The following PCDHGB6 variants were observed in gnomAD, a reference collection of about 807,000 sequenced individuals.
PCDHGB6 encodes protocadherin gamma-B6.
A neutral mutation model predicts 59.1 loss-of-function variants in PCDHGB6; 51 were observed. That is an observed-to-expected ratio of 0.86 (90% CI 0.69 to 1.09). PCDHGB6 has a LOEUF of 1.09. Ranked by LOEUF, PCDHGB6 falls within the 50% of genes least tolerant of loss-of-function variation. The pLI is 0.00. For missense variants in PCDHGB6, 1,148 were observed against 1,205.1 expected, an observed-to-expected ratio of 0.95 and a Z score of 0.70; for synonymous variants, 466 against 495.1, an observed-to-expected ratio of 0.94 and a Z score of 0.78.
chr5:141,437,756 T>A (rs1208576922), intron 1 of PCDHGB6, among the ~76,000 whole-genome samples: 1 of 151,718 alleles, frequency 6.6e-6, no homozygotes, highest in Non-Finnish European at 1.5e-5. Flanking sequence ...TTTTTTTTTT[T>A]GAGACAGAGT....
rs76825883 is a variant in PCDHGB6, at chr5:141,433,317, C to T, written c.2418+22697C>T. The T allele has an allele frequency of 1.4e-3, 1,163 of 830,944 alleles. 6 individuals are homozygous for T. In the African/African-American group the frequency reaches 0.015, roughly 11 times the overall value. 51.5% of individuals were successfully genotyped at this position (830,944 alleles called of 1,614,324 possible). A position where few individuals can be genotyped will look rare whatever the true frequency, so the allele number is the denominator to read the frequency against. On this transcript the variant is annotated intron_variant, in intron 1 of 3. Transcript: ENST00000520790. ...CAAGCAATTATCCCACCTTTGCCTC[C>T]GGTGTAACAGGGACTACAGGTGCAA... is the stretch of plus-strand genomic sequence containing the variant.
chr5:141,417,828 A>G (rs1439385565), intron 1 of PCDHGB6: 1 of 1,521,792 alleles, frequency 6.6e-7, no homozygotes, highest in Non-Finnish European at 8.8e-7. Context: ...CCAACTGGAA[A>G]AGCGGGGACC....
chr5:141,440,959 G>A (rs1313315196), intron 1 of PCDHGB6: 1 of 152,216 alleles, frequency 6.6e-6, no homozygotes, highest in Non-Finnish European at 1.5e-5. Flanking sequence ...TCAAGGCAGA[G>A]ATCACATATG....
intron 1 of PCDHGB6, among the ~76,000 whole-genome samples, chr5:141,437,526 G>A (rs1199002765): frequency 1.3e-5 from 2 of 152,160 alleles, no homozygotes; most frequent in East Asian, 3.8e-4. Context: ...GATGACAAAT[G>A]AGCAAATTGT....
intron 1 of PCDHGB6, among the ~76,000 whole-genome samples, chr5:141,443,085 G>A (rs991288098): frequency 3.9e-5 from 6 of 151,916 alleles, no homozygotes; most frequent in Admixed American, 2.6e-4. Flanking sequence ...GAGTGTTCCA[G>A]TCTCCTTCTC....
In PCDHGB6 at chr5:141,476,501, A is replaced by G; in HGVS notation, c.2419-18306A>G. 1.2e-6 allele frequency: 2 copies of G among 1,614,026 alleles called. No homozygotes were observed. Among genetic ancestry groups the G allele is most frequent in the Non-Finnish European group, 1.7e-6 (2 of 1,180,006 alleles). On this transcript the variant is annotated intron_variant, in intron 1 of 3. Coordinates refer to ENST00000520790, the MANE Select transcript of PCDHGB6 (RefSeq NM_018926.3). The surrounding 1 kb of genome is among the most constrained non-coding windows in gnomAD (Gnocchi z 7.6). ...CGTGGAAGTGGTGATCCAGGACATCAACGACAACAATCCTGCTTTCCCTAC... is the reference window on the plus strand; with the variant it reads ...CGTGGAAGTGGTGATCCAGGACATCGACGACAACAATCCTGCTTTCCCTAC...
At chr5:141,448,216 G>A (rs766377717) in intron 1 of PCDHGB6, among the ~76,000 whole-genome samples, 41 of 152,046 alleles carry the variant, frequency 2.7e-4, no homozygotes, top group African/African-American at 1.7e-4. Context: ...GTGTGTATGC[G>A]AATGTATGTG....
chr5:141,446,468 A>G (rs2098503159), intron 1 of PCDHGB6, among the ~76,000 whole-genome samples: 1 of 149,982 alleles, frequency 6.7e-6, no homozygotes, highest in African/African-American at 2.5e-5. Flanking sequence ...GTGATTAGAC[A>G]TATGGTCATC....
Position 141,423,666 on chromosome 5 carries a change from AT to A in PCDHGB6, c.2418+13049del, listed in dbSNP as rs1184681047. 2.7e-6 allele frequency: 4 copies of A among 1,494,382 alleles called. No individual in the cohort carries two copies. The South Asian group carries it at 5.0e-5, about 19-fold the overall frequency. The allele number at this position is 1,494,382 out of a possible 1,614,324, so 92.6% of individuals were successfully genotyped here. A position where few individuals can be genotyped will look rare whatever the true frequency, so the allele number is the denominator to read the frequency against. ...GTGACCCGACAAGTAATCAGGTGAGATTTATTTCTCTGCCTCCTAATTGTTG... is the reference window on the plus strand; with the variant it reads ...GTGACCCGACAAGTAATCAGGTGAGATTATTTCTCTGCCTCCTAATTGTTG... On this transcript the variant is annotated intron_variant, in intron 1 of 3. Coordinates refer to ENST00000520790, the MANE Select transcript of PCDHGB6 (RefSeq NM_018926.3).
chr5:141,477,814 G>C lies in PCDHGB6; in HGVS notation c.2419-16993G>C, dbSNP rs780195618. The C allele has an allele frequency of 1.2e-6, 2 of 1,614,110 alleles. No homozygotes were observed. The highest frequency in any genetic ancestry group is 1.1e-5 in the South Asian group (1 of 91,074). On this transcript the variant is annotated intron_variant, in intron 1 of 3. Coordinates refer to ENST00000520790, the MANE Select transcript of PCDHGB6 (RefSeq NM_018926.3). The surrounding 1 kb of genome is among the most constrained non-coding windows in gnomAD (Gnocchi z 4.9). ...CTGATCGCAATGACAATGCCCCCCA[G>C]GTCCTATATCCTCGGCCAGGTGGGA... is the stretch of plus-strand genomic sequence containing the variant.
At position 141,511,036 on chromosome 5, in the gene PCDHGB6, G is replaced by A. The variant is rs116366286; in HGVS notation, c.2656G>A (p.Val886Met). ...CGGACCCCAGTTCACCCTGCAGCAC[G>A]TGCCCGACTACCGCCAGAATGTCTA... is the stretch of plus-strand genomic sequence containing the variant. ...RYGPQFTLQH[V>M]PDYRQNVYIP... is the part of the protein sequence containing the mutation. Residue 886 changes from valine to methionine, a missense_variant, in exon 4 of 4, where the codon GTG becomes ATG. Physicochemically the swap from Val to Met is conservative, Grantham distance 21. Transcript: ENST00000520790. 5.5e-5 allele frequency: 89 copies of A among 1,614,198 alleles called. No individual in the cohort carries two copies. The highest frequency in any genetic ancestry group is 1.6e-4 in the Middle Eastern group (1 of 6,062).
intron 1 of PCDHGB6, chr5:141,414,287 C>G: frequency 6.2e-7 from 1 of 1,613,434 alleles, no homozygotes; most frequent in Non-Finnish European, 8.5e-7. Flanking sequence ...ACAGTCGTAG[C>G]CCTTTTAAAT....
rs760881860 is a variant in PCDHGB6, at chr5:141,408,458, G to T, written c.256G>T (p.Val86Leu). The change falls in exon 1 of 4, where the codon GTG becomes TTG. Residue 86 changes from valine (V) to leucine (L), a missense_variant. By Grantham distance (32) the Val-to-Leu change is conservative (BLOSUM62 1). Coordinates refer to ENST00000520790, the MANE Select transcript of PCDHGB6 (RefSeq NM_018926.3). The stretch of plus-strand genomic sequence containing the variant: ...AGACGCGGAGAGCGGGGACTTACTT[G>T]TGAAGAACCGAATAGACCGTGAGCA... ...SVDAESGDLL[V>L]KNRIDREQIC... 4 of 1,614,066 alleles carry T rather than the reference G, an allele frequency of 2.5e-6. No individual in the cohort carries two copies. Among genetic ancestry groups the T allele is most frequent in the South Asian group, 2.2e-5 (2 of 91,090 alleles).
rs143362044 is a variant in PCDHGB6, at chr5:141,511,092, C to T, written c.2712C>T (p.Asn904=). The T allele has an allele frequency of 4.5e-5, 73 of 1,614,088 alleles. No homozygotes were observed. Among genetic ancestry groups the T allele is most frequent in the Admixed American group, 1.5e-4 (9 of 60,012 alleles). ...YIPGSNATLT[N]AAGKRDGKAP... is the part of the protein sequence containing the mutation. ...CAGGCAGCAATGCCACACTGACCAA[C>T]GCAGCTGGCAAGCGGGATGGCAAGG... The change falls in exon 4 of 4, where the codon AAC becomes AAT. Residue 904 remains asparagine, a synonymous_variant. Coordinates refer to ENST00000520790, the MANE Select transcript of PCDHGB6 (RefSeq NM_018926.3).
At position 141,490,908 on chromosome 5, in the gene PCDHGB6, C is replaced by A; in HGVS notation, c.2419-3899C>A. On this transcript the variant is annotated intron_variant, in intron 1 of 3. Coordinates refer to ENST00000520790, the MANE Select transcript of PCDHGB6 (RefSeq NM_018926.3). The surrounding 1 kb of genome is among the most constrained non-coding windows in gnomAD (Gnocchi z 5.4). The stretch of plus-strand genomic sequence containing the variant: ...CATCTCTGCATGTGTTTGTCCTAGA[C>A]GAGAATGATAATGCCCCAGCTGTGC... The A allele has an allele frequency of 6.2e-7, 1 of 1,613,710 alleles. No homozygotes were observed. Among genetic ancestry groups the A allele is most frequent in the Non-Finnish European group, 8.5e-7 (1 of 1,179,754 alleles).
At chr5:141,438,063 A>G (rs540817874) in intron 1 of PCDHGB6, among the ~76,000 whole-genome samples, 11 of 152,224 alleles carry the variant, frequency 7.2e-5, no homozygotes, top group Non-Finnish European at 1.5e-4. Context: ...CTTTTAAGAA[A>G]CCATACTTAA....
Position 141,485,395 on chromosome 5 carries a change from C to T in PCDHGB6, c.2419-9412C>T. On this transcript the variant is annotated intron_variant, in intron 1 of 3. Coordinates refer to ENST00000520790, the MANE Select transcript of PCDHGB6 (RefSeq NM_018926.3). The surrounding 1 kb of genome is among the most constrained non-coding windows in gnomAD (Gnocchi z 5.7). Reference sequence around the variant, plus strand: ...TCGCTGGAGAGGTGAACCAAAGACACTTCCGTGTGGATTTGGACAGCGGAG... The same window carrying T: ...TCGCTGGAGAGGTGAACCAAAGACATTTCCGTGTGGATTTGGACAGCGGAG... 5 of 1,614,154 alleles carry T rather than the reference C, an allele frequency of 3.1e-6. No homozygotes were observed. Among genetic ancestry groups the T allele is most frequent in the Non-Finnish European group, 3.4e-6 (4 of 1,180,026 alleles).
At chr5:141,506,188 C>A (rs925159785) in intron 3 of PCDHGB6, among the ~76,000 whole-genome samples, 1 of 152,058 alleles carries the variant, frequency 6.6e-6, no homozygotes, top group Non-Finnish European at 1.5e-5. Flanking sequence ...TGGTGGCTCA[C>A]GCCTGTAATC....
intron 1 of PCDHGB6, chr5:141,413,903 C>T (rs1038159413): frequency 2.5e-6 from 4 of 1,613,308 alleles, no homozygotes; most frequent in Non-Finnish European, 3.4e-6. Flanking sequence ...AATGACAACG[C>T]GCCGGTCTTC....
Sources: allele counts gnomAD v4.1 joint callset (sites outside exome capture counted in the v4.1 genomes callset), GRCh38; gene constraint gnomAD v4.1.1; non-coding constraint Gnocchi (gnomAD v3.1); transcripts MANE v1.5; gene names NCBI Gene and HGNC (gene_info 2026-07-23, HGNC 2026-07-21).